IL23R: variants seen among roughly 807,000 people sequenced by gnomAD.
IL23R encodes interleukin-23 receptor.
Under a neutral mutation model 56.9 loss-of-function variants are expected in IL23R, and 34 were observed. That is an observed-to-expected ratio of 0.60 (90% confidence interval 0.45 to 0.80). The LOEUF (loss-of-function observed/expected upper bound fraction) is 0.80, where lower values mean the gene tolerates loss of function less well. Among genes scored for constraint, IL23R ranks in the 30% least tolerant of loss-of-function variants. The pLI, the probability that IL23R is intolerant of heterozygous loss-of-function variation, is 0.00. For synonymous variants in IL23R, 230 were observed against 249.2 expected, an observed-to-expected ratio of 0.92 and a Z score of 0.73; for missense variants, 635 against 730.0, an observed-to-expected ratio of 0.87 and a Z score of 1.50.
At chr1:67,253,585 A>C (rs931985774) in intron 9 of IL23R, among the ~76,000 whole-genome samples, 1 of 152,216 alleles carries the variant, frequency 6.6e-6, no homozygotes, top group Non-Finnish European at 1.5e-5. Flanking sequence ...TTATCTACAT[A>C]GGTTTTTTGC....
chr1:67,175,100 A>G (rs924808016), intron 3 of IL23R, among the ~76,000 whole-genome samples: 9 of 151,820 alleles, frequency 5.9e-5, no homozygotes, highest in African/African-American at 1.9e-4. Flanking sequence ...CTCTTGATTG[A>G]CAGGTCTTGG....
At position 67,168,191 on chromosome 1, in the gene IL23R, G is replaced by A. The variant is rs758346571; in HGVS notation, c.70+1G>A. Reference sequence around the variant, plus strand: ...ATACTCTTCAGCTGGTGTCATGGAGGTATGGTGTTTTATGTATCTATTGCT... The same window carrying A: ...ATACTCTTCAGCTGGTGTCATGGAGATATGGTGTTTTATGTATCTATTGCT... On this transcript the variant is annotated splice_donor_variant, in intron 2 of 10. Coordinates refer to ENST00000347310, the MANE Select transcript of IL23R (RefSeq NM_144701.3). LOFTEE classifies it high-confidence loss of function. 1 of 1,600,158 alleles carries A rather than the reference G, an allele frequency of 6.2e-7. No homozygotes were observed. Among genetic ancestry groups the A allele is most frequent in the South Asian group, 1.1e-5 (1 of 90,742 alleles).
At chr1:67,226,924 C>A (rs1306838966) in intron 7 of IL23R, among the ~76,000 whole-genome samples, 4 of 152,290 alleles carry the variant, frequency 2.6e-5, no homozygotes, top group Non-Finnish European at 5.9e-5. Context: ...AGGAACCCCC[C>A]AAAGCACAGG....
At chr1:67,202,914 G>A (rs1648741925) in intron 5 of IL23R, among the ~76,000 whole-genome samples, 1 of 152,152 alleles carries the variant, frequency 6.6e-6, no homozygotes, top group Non-Finnish European at 1.5e-5. Flanking sequence ...TGAATATGAT[G>A]ATGGACAATT....
intron 7 of IL23R, 78 bp from the exon 8 acceptor site, chr1:67,236,635 G>T: frequency 1.1e-6 from 1 of 877,026 alleles, no homozygotes; most frequent in South Asian, 1.3e-5. Context: ...CTCTAAACAA[G>T]GGAAGAAACT....
At chr1:67,173,170 T>G (rs910202782) in intron 3 of IL23R, among the ~76,000 whole-genome samples, 4 of 152,148 alleles carry the variant, frequency 2.6e-5, no homozygotes, top group African/African-American at 9.7e-5. Flanking sequence ...GTTTTGTTCT[T>G]GGATATTGAA....
In IL23R at chr1:67,157,350, C is replaced by T. The variant is rs1246434874; in HGVS notation, c.-633-10742C>T. The stretch of plus-strand genomic sequence containing the variant: ...ATATTCCTTTTAAAGTTTTACCCAT[C>T]TCAGTTAATGGCCACTTTACCCAAC... On this transcript the variant is annotated intron_variant, in intron 1 of 10. Transcript: ENST00000637002. Among the ~76,000 whole-genome samples, 4 of 152,210 alleles carry T rather than the reference C, an allele frequency of 2.6e-5. No homozygotes were observed. The East Asian group carries it at 7.7e-4, about 29-fold the overall frequency.
chr1:67,143,874 G>A (rs1646658906), intron 1 of IL23R, among the ~76,000 whole-genome samples: 1 of 152,188 alleles, frequency 6.6e-6, no homozygotes, highest in Non-Finnish European at 1.5e-5. Flanking sequence ...GTGTATGTGT[G>A]TGCAGCTTGA....
At chr1:67,248,432 C>A (rs916365510) in intron 9 of IL23R, among the ~76,000 whole-genome samples, 2 of 152,054 alleles carry the variant, frequency 1.3e-5, no homozygotes, top group African/African-American at 4.8e-5. Flanking sequence ...GTATGCTTCA[C>A]GAAGTTCTTG....
intron 7 of IL23R, among the ~76,000 whole-genome samples, chr1:67,230,231 G>T (rs561852185): frequency 6.6e-6 from 1 of 152,330 alleles, no homozygotes; most frequent in Admixed American, 6.5e-5. Context: ...GGGGGCATCT[G>T]GTTGGTGAGG....
At chr1:67,265,672 G>T in the IL23R span, among the ~76,000 whole-genome samples, 1 of 152,014 alleles carries the variant, frequency 6.6e-6, no homozygotes, top group South Asian at 2.1e-4. Context: ...TAAGAATTTT[G>T]TGTGTTAGGT....
At chr1:67,201,534 C>T (rs1267290680) in intron 5 of IL23R, among the ~76,000 whole-genome samples, 1 of 143,108 alleles carries the variant, frequency 7.0e-6, no homozygotes, top group East Asian at 2.0e-4. Context: ...AAATAACTTA[C>T]AATCTACTAG....
chr1:67,192,179 G>T (rs1647803078), intron 4 of IL23R, among the ~76,000 whole-genome samples: 1 of 152,196 alleles, frequency 6.6e-6, no homozygotes, highest in Non-Finnish European at 1.5e-5. Flanking sequence ...AAGCCAGAGT[G>T]ATTGTCAATT....
intron 1 of IL23R, among the ~76,000 whole-genome samples, chr1:67,140,344 A>G (rs558563676): frequency 2.8e-4 from 42 of 152,356 alleles, no homozygotes; most frequent in African/African-American, 8.9e-4. Flanking sequence ...GTATAAACAA[A>G]GAGTATCTTA....
chr1:67,239,343 A>C (rs1570908619), intron 8 of IL23R, among the ~76,000 whole-genome samples: 1 of 152,166 alleles, frequency 6.6e-6, no homozygotes, highest in African/African-American at 2.4e-5. Context: ...AGCTCACTGC[A>C]ACCTCCACCT....
At chr1:67,177,362 T>C (rs555621159) in intron 3 of IL23R, among the ~76,000 whole-genome samples, 1 of 152,234 alleles carries the variant, frequency 6.6e-6, no homozygotes, top group Non-Finnish European at 1.5e-5. Flanking sequence ...ATTTCTCTGA[T>C]GGCCAGTGAT....
intron 3 of IL23R, among the ~76,000 whole-genome samples, chr1:67,178,663 G>C (rs1215893385): frequency 6.6e-6 from 1 of 152,188 alleles, no homozygotes; most frequent in Non-Finnish European, 1.5e-5. Context: ...ATGTTGAATA[G>C]GAGTGGTGAG....
intron 9 of IL23R, among the ~76,000 whole-genome samples, chr1:67,243,999 A>G (rs563538873): frequency 2.0e-5 from 3 of 152,252 alleles, no homozygotes; most frequent in African/African-American, 7.2e-5. Context: ...AATGATCTCC[A>G]TTCTAACTGG....
At chr1:67,196,665 A>G (rs1648178123) in intron 4 of IL23R, among the ~76,000 whole-genome samples, 3 of 152,246 alleles carry the variant, frequency 2.0e-5, no homozygotes, top group African/African-American at 7.2e-5. Context: ...TAATGCAATT[A>G]ACTTAGGAGT....
Sources: gnomAD v4.1 joint callset for allele counts (sites outside exome capture counted in the v4.1 genomes callset) on GRCh38, gnomAD v4.1.1 for gene constraint, MANE v1.5 for transcripts, NCBI Gene and HGNC (gene_info 2026-07-23, HGNC 2026-07-21) for gene names.